The following PPP2R2C variants were observed in gnomAD, a reference collection of about 807,000 sequenced individuals.
PPP2R2C encodes protein phosphatase 2, regulatory subunit B, gamma.
A neutral mutation model predicts 45.3 loss-of-function variants in PPP2R2C; 10 were observed. That is an observed-to-expected ratio of 0.22 (90% CI 0.14 to 0.37). PPP2R2C has a LOEUF of 0.37. Among genes scored for constraint, PPP2R2C ranks in the 10% least tolerant of loss-of-function variants. PPP2R2C has a pLI of 1.00. For missense variants in PPP2R2C, 308 were observed against 619.7 expected (o/e 0.50, Z 5.34); for synonymous variants, 257 against 245.4 (o/e 1.05, Z -0.44).
intron 5 of PPP2R2C, chr4:6,349,636 C>A (rs547320363): frequency 2.2e-4 from 210 of 940,534 alleles, no homozygotes; most frequent in Non-Finnish European, 2.6e-4. Context: ...GTCAGGAGAT[C>A]GAGACCATTC....
In PPP2R2C at chr4:6,472,436, G is replaced by A; in HGVS notation, c.-207C>T. The A allele has an allele frequency of 1.8e-6, 1 of 554,214 alleles. No individual in the cohort carries two copies. Among genetic ancestry groups the A allele is most frequent in the Non-Finnish European group, 2.3e-6 (1 of 438,692 alleles). The allele number at this position is 554,214 out of a possible 1,614,324, so 34.3% of individuals were successfully genotyped here. Reference sequence around the variant, plus strand: ...GGTCAAGCGAGCGCGCGGTGGGCGGGCGGCGGCCGCGGGTTCGGGCGGGCC... The same window carrying A: ...GGTCAAGCGAGCGCGCGGTGGGCGGACGGCGGCCGCGGGTTCGGGCGGGCC... On this transcript the variant is annotated 5_prime_UTR_variant, in exon 1 of 9. Coordinates refer to ENST00000382599, the MANE Select transcript of PPP2R2C (RefSeq NM_020416.4).
At position 6,364,432 on chromosome 4, in the gene PPP2R2C, T is replaced by C. The variant is rs1220078048; in HGVS notation, c.625+8091A>G. Among the ~76,000 whole-genome samples the C allele has an allele frequency of 2.7e-5, 4 of 150,526 alleles. No individual in the cohort carries two copies. The highest frequency in any genetic ancestry group is 9.7e-5 in the African/African-American group (4 of 41,032). The stretch of plus-strand genomic sequence containing the variant: ...GAGAAAGGGGCGGAGTTACTTCCAG[T>C]TGGGAGAAGTTGCTGAAGGGTTCTG... On this transcript the variant is annotated intron_variant, in intron 5 of 8. Transcript: ENST00000382599. The surrounding 1 kb of genome is among the most constrained non-coding windows in gnomAD (Gnocchi z 5.3).
rs572572695 is a variant in PPP2R2C, at chr4:6,367,973, C to T, written c.625+4550G>A. Among the ~76,000 whole-genome samples the T allele has an allele frequency of 1.2e-4, 18 of 152,356 alleles. No individual in the cohort carries two copies. The South Asian group carries it at 3.1e-3, about 26-fold the overall frequency. ...GCTATAGACACACACTCCTCTATCACTAAGGCCAGGGTGCTTTATGTTTTG... is the reference window on the plus strand; with the variant it reads ...GCTATAGACACACACTCCTCTATCATTAAGGCCAGGGTGCTTTATGTTTTG... On this transcript the variant is annotated intron_variant, in intron 5 of 8. Transcript: ENST00000382599.
chr4:6,469,716 T>C (rs866499643), intron 1 of PPP2R2C, among the ~76,000 whole-genome samples: 106 of 152,342 alleles, frequency 7.0e-4, no homozygotes, highest in African/African-American at 2.4e-3. Flanking sequence ...GACTTTAACA[T>C]GATTCAAGTC....
intron 1 of PPP2R2C, among the ~76,000 whole-genome samples, chr4:6,555,263 A>G (rs1725356618): frequency 6.6e-6 from 1 of 152,160 alleles, no homozygotes; most frequent in Non-Finnish European, 1.5e-5. Context: ...TACTGGAGAG[A>G]TGGGAACATT....
chr4:6,450,942 C>T (rs868084430), intron 1 of PPP2R2C, among the ~76,000 whole-genome samples: 3 of 152,214 alleles, frequency 2.0e-5, no homozygotes, highest in Middle Eastern at 3.2e-3. Context: ...TCTGGAATGA[C>T]TCAGGGACTC....
intron 5 of PPP2R2C, among the ~76,000 whole-genome samples, chr4:6,353,995 G>T (rs1382453056): frequency 8.4e-6 from 1 of 119,172 alleles, no homozygotes; most frequent in African/African-American, 3.4e-5. Context: ...CTCATCCCCA[G>T]CCCTGGGGCA....
chr4:6,481,978 CAAAAAAAA>C lies in PPP2R2C; in HGVS notation c.49+53285_49+53292del, dbSNP rs59905632. On this transcript the variant is annotated intron_variant, in intron 2 of 9. Transcript: ENST00000506140. Reference sequence around the variant, plus strand: ...TGGGTGACAGAGCGAGACTCCGTCTCAAAAAAAAAAAAAAAAAAAAAAAAAAGTAAAAA... The same window carrying C: ...TGGGTGACAGAGCGAGACTCCGTCTCAAAAAAAAAAAAAAAAAAGTAAAAA... Among the ~76,000 whole-genome samples the C allele has an allele frequency of 3.9e-4, 32 of 81,144 alleles. No individual in the cohort carries two copies. The Admixed American group carries it at 4.1e-3, about 11-fold the overall frequency. 53.2% of individuals were successfully genotyped at this position (81,144 alleles called of 152,430 possible). A position where few individuals can be genotyped will look rare whatever the true frequency, so the allele number is the denominator to read the frequency against.
chr4:6,414,745 T>C (rs1718455467), intron 1 of PPP2R2C, among the ~76,000 whole-genome samples: 1 of 151,614 alleles, frequency 6.6e-6, no homozygotes, highest in Non-Finnish European at 1.5e-5. Flanking sequence ...GAACAGGGGG[T>C]GGGAGAGCCC....
At chr4:6,485,189 T>C (rs1722491169) in intron 2 of PPP2R2C, among the ~76,000 whole-genome samples, 1 of 151,968 alleles carries the variant, frequency 6.6e-6, no homozygotes, top group Non-Finnish European at 1.5e-5. Context: ...TATAAATTGT[T>C]AATATGGTAA....
At chr4:6,435,327 T>C (rs1719838209) in intron 1 of PPP2R2C, among the ~76,000 whole-genome samples, 1 of 152,256 alleles carries the variant, frequency 6.6e-6, no homozygotes, top group African/African-American at 2.4e-5. Flanking sequence ...ATCTACTTTG[T>C]GGAGCTCATC....
In PPP2R2C at chr4:6,366,700, G is replaced by A. The variant is rs1714338297; in HGVS notation, c.625+5823C>T. On this transcript the variant is annotated intron_variant, in intron 5 of 8. Transcript: ENST00000382599. The stretch of plus-strand genomic sequence containing the variant: ...AAGTGGGCAAACAGGAGTCAGCCAG[G>A]CCAAAGAGGCAGATGGCATGGTCAG... Among the ~76,000 whole-genome samples, 3 of 152,192 alleles carry A rather than the reference G, an allele frequency of 2.0e-5. No individual in the cohort carries two copies. In the South Asian group the frequency reaches 6.2e-4, roughly 32 times the overall value.
chr4:6,502,546 C>T (rs1723094338), intron 2 of PPP2R2C, among the ~76,000 whole-genome samples: 1 of 151,832 alleles, frequency 6.6e-6, no homozygotes, highest in Admixed American at 6.6e-5. Context: ...TCCTTCCTTC[C>T]TTCCTTTTTC....
At chr4:6,389,402 T>C (rs894097891) in intron 1 of PPP2R2C, among the ~76,000 whole-genome samples, 6 of 152,208 alleles carry the variant, frequency 3.9e-5, no homozygotes, top group African/African-American at 1.2e-4. Context: ...CAAGCCCAGC[T>C]CGAGCCTTCT....
At position 6,349,194 on chromosome 4, in the gene PPP2R2C, C is replaced by T. The variant is rs956861281; in HGVS notation, c.626-1184G>A. 56 of 985,290 alleles carry T rather than the reference C, an allele frequency of 5.7e-5. 1 individual carries two copies. The Middle Eastern group carries it at 1.6e-3, about 27-fold the overall frequency. The allele number at this position is 985,290 out of a possible 1,614,324, so 61.0% of individuals were successfully genotyped here. On this transcript the variant is annotated intron_variant, in intron 5 of 8. Coordinates refer to ENST00000382599, the MANE Select transcript of PPP2R2C (RefSeq NM_020416.4). ...CTCTCACAGCAATGACCTCAGGCTCCGGTCTCCCCGGCCCTGCATGGGGCT... is the reference window on the plus strand; with the variant it reads ...CTCTCACAGCAATGACCTCAGGCTCTGGTCTCCCCGGCCCTGCATGGGGCT...
intron 1 of PPP2R2C, among the ~76,000 whole-genome samples, chr4:6,403,030 C>T (rs1474377395): frequency 6.6e-6 from 1 of 152,218 alleles, no homozygotes; most frequent in African/African-American, 2.4e-5. Context: ...GCTAGTAAGA[C>T]CAGGCGGCAG....
At chr4:6,439,484 A>G (rs1206820313) in intron 1 of PPP2R2C, among the ~76,000 whole-genome samples, 1 of 152,218 alleles carries the variant, frequency 6.6e-6, no homozygotes, top group Admixed American at 6.5e-5. Flanking sequence ...AGAGGCAGAG[A>G]TGAAAAGGCT....
At chr4:6,429,407 A>G (rs1240093926) in intron 1 of PPP2R2C, among the ~76,000 whole-genome samples, 2 of 152,258 alleles carry the variant, frequency 1.3e-5, no homozygotes, top group Non-Finnish European at 2.9e-5. Context: ...AGTAACAAAG[A>G]CCAAAACTTT....
chr4:6,355,980 G>A (rs1171559253), intron 5 of PPP2R2C, among the ~76,000 whole-genome samples: 2 of 134,988 alleles, frequency 1.5e-5, no homozygotes, highest in African/African-American at 5.7e-5. Flanking sequence ...GTGACAGAGT[G>A]AGACTCTGCC....
Sources: allele counts gnomAD v4.1 joint callset (sites outside exome capture counted in the v4.1 genomes callset), GRCh38; gene constraint gnomAD v4.1.1; non-coding constraint Gnocchi (gnomAD v3.1); transcripts MANE v1.5; gene names NCBI Gene and HGNC (gene_info 2026-07-23, HGNC 2026-07-21).